The following IKBKB-DT variants were observed in gnomAD, a reference collection of about 807,000 sequenced individuals.
IKBKB-DT encodes the protein IKBKB divergent transcript, also known as IKBKB antisense RNA.
intron 3 of IKBKB-DT, among the ~76,000 whole-genome samples, chr8:42,238,798 C>G (rs566782785): frequency 5.9e-5 from 9 of 152,268 alleles, no homozygotes; most frequent in African/African-American, 1.9e-4. Context: ...AGCACGAGGG[C>G]TCTTTTTCAC....
chr8:42,243,030 G>A (rs570081880), intron 3 of IKBKB-DT, among the ~76,000 whole-genome samples: 1 of 152,328 alleles, frequency 6.6e-6, no homozygotes, highest in East Asian at 1.9e-4. Context: ...TGGCTTAAGG[G>A]TACGGCTTTG....
At chr8:42,268,937 T>A (rs960401677) in intron 1 of IKBKB-DT, among the ~76,000 whole-genome samples, 1 of 152,198 alleles carries the variant, frequency 6.6e-6, no homozygotes, top group Non-Finnish European at 1.5e-5. Flanking sequence ...ATGCAGTCAC[T>A]ATTCTACGTG....
At chr8:42,265,801 A>T (rs1310656620) in exon 2 of IKBKB-DT, 1 of 152,234 alleles carries the variant, frequency 6.6e-6, no homozygotes, top group African/African-American at 2.4e-5. Flanking sequence ...TCCTCCAGAG[A>T]GGGTGACTCA....
intron 3 of IKBKB-DT, among the ~76,000 whole-genome samples, chr8:42,256,308 TC>T (rs1439278733): frequency 6.6e-6 from 1 of 151,378 alleles, no homozygotes; most frequent in African/African-American, 2.4e-5. Context: ...ATGCCTGTAA[TC>T]CCAGCAGTTT....
chr8:42,249,518 C>CAGTTACTTCTGAATAATAACTAGAAT (rs1807105028), intron 3 of IKBKB-DT, among the ~76,000 whole-genome samples: 1 of 151,740 alleles, frequency 6.6e-6, no homozygotes, highest in Admixed American at 6.6e-5. Flanking sequence ...ACTTTTGATT[C>CAGTTACTTCTGAATAATAACTAGAAT]TACCAGGGGA....
At chr8:42,257,511 AT>A (rs1426558140) in intron 3 of IKBKB-DT, among the ~76,000 whole-genome samples, 1 of 151,702 alleles carries the variant, frequency 6.6e-6, no homozygotes, top group Non-Finnish European at 1.5e-5. Context: ...AAAAAAAAAA[AT>A]TAATAATAAA....
intron 3 of IKBKB-DT, among the ~76,000 whole-genome samples, chr8:42,254,727 G>A (rs1807172986): frequency 6.9e-6 from 1 of 145,830 alleles, no homozygotes; most frequent in South Asian, 2.2e-4. Context: ...CCACTGCCCA[G>A]CTTCCCACCG....
chr8:42,238,024 CAAAAAAAAAAA>C (rs35087510), intron 3 of IKBKB-DT, among the ~76,000 whole-genome samples: 75 of 35,254 alleles, frequency 2.1e-3, no homozygotes, highest in African/African-American at 3.8e-3. Flanking sequence ...GGCCCTCTCT[CAAAAAAAAAAA>C]AAAAAAAAAA....
intron 3 of IKBKB-DT, among the ~76,000 whole-genome samples, chr8:42,244,649 T>C (rs192992736): frequency 1.1e-3 from 172 of 152,318 alleles, no homozygotes; most frequent in African/African-American, 3.9e-3. Context: ...TAAGTGATCC[T>C]TCTGATTCAG....
At chr8:42,268,872 A>G (rs1023045751) in intron 1 of IKBKB-DT, among the ~76,000 whole-genome samples, 9 of 152,304 alleles carry the variant, frequency 5.9e-5, no homozygotes, top group African/African-American at 2.2e-4. Flanking sequence ...TGGCCAATAA[A>G]TATTTTATTT....
intron 1 of IKBKB-DT, among the ~76,000 whole-genome samples, chr8:42,267,082 G>T (rs1319384886): frequency 6.7e-6 from 1 of 149,174 alleles, no homozygotes; most frequent in Non-Finnish European, 1.5e-5. Flanking sequence ...CTCACTGCAA[G>T]ATCCATCCAC....
chr8:42,258,989 G>A (rs540819782), intron 3 of IKBKB-DT, among the ~76,000 whole-genome samples: 8 of 152,036 alleles, frequency 5.3e-5, no homozygotes, highest in African/African-American at 1.9e-4. Context: ...ATAATTTTTC[G>A]AAACATATAT....
intron 3 of IKBKB-DT, among the ~76,000 whole-genome samples, chr8:42,238,011 CA>C (rs1271994643): frequency 9.0e-6 from 1 of 111,406 alleles, no homozygotes; most frequent in African/African-American, 3.4e-5. Flanking sequence ...GGCAACAGAG[CA>C]AGGCCCTCTC....
chr8:42,252,996 T>C (rs1191000151), intron 3 of IKBKB-DT, among the ~76,000 whole-genome samples: 2 of 152,212 alleles, frequency 1.3e-5, no homozygotes, highest in Admixed American at 6.5e-5. Context: ...AAAATTTGTA[T>C]CTGTAAAGAA....
At chr8:42,246,436 C>T (rs149844911) in intron 3 of IKBKB-DT, among the ~76,000 whole-genome samples, 1 of 152,276 alleles carries the variant, frequency 6.6e-6, no homozygotes, top group East Asian at 1.9e-4. Context: ...TTCTCTATTG[C>T]TCTGGTTCCC....
intron 3 of IKBKB-DT, among the ~76,000 whole-genome samples, chr8:42,257,110 A>G (rs1005111166): frequency 1.3e-5 from 2 of 152,264 alleles, no homozygotes; most frequent in African/African-American, 2.4e-5. Context: ...ATAAATACAT[A>G]CAAATATGAC....
At chr8:42,254,096 T>C (rs1807163059) in intron 3 of IKBKB-DT, among the ~76,000 whole-genome samples, 1 of 152,262 alleles carries the variant, frequency 6.6e-6, no homozygotes, top group Non-Finnish European at 1.5e-5. Context: ...TAGCAGATAT[T>C]TAAGAATGTT....
At chr8:42,235,615 A>G (rs968303997) in intron 3 of IKBKB-DT, among the ~76,000 whole-genome samples, 1 of 152,120 alleles carries the variant, frequency 6.6e-6, no homozygotes, top group East Asian at 1.9e-4. Flanking sequence ...CCGTGATTTC[A>G]TCTCCAACCC....
chr8:42,258,530 G>T (rs186390854), intron 3 of IKBKB-DT, among the ~76,000 whole-genome samples: 1 of 151,074 alleles, frequency 6.6e-6, no homozygotes, highest in Non-Finnish European at 1.5e-5. Flanking sequence ...GTGCAGTGGC[G>T]CGATCTCTGC....
Sources: allele counts gnomAD v4.1 joint callset (sites outside exome capture counted in the v4.1 genomes callset), GRCh38; gene constraint gnomAD v4.1.1; transcripts MANE v1.5; gene names NCBI Gene and HGNC (gene_info 2026-07-23, HGNC 2026-07-21).